The following NRG1 variants were observed in gnomAD, a reference collection of about 807,000 sequenced individuals.
The protein encoded by NRG1 is pro-neuregulin-1, membrane-bound isoform.
Under a neutral mutation model 63.8 loss-of-function variants are expected in NRG1, and 18 were observed. That is an observed-to-expected ratio of 0.28 (90% CI 0.19 to 0.42). The LOEUF is 0.42. NRG1 is among the 10% of genes least tolerant of loss of function. The pLI is 1.00. For synonymous variants in NRG1, 302 were observed against 301.3 expected, an observed-to-expected ratio of 1.00 and a Z score of -0.02; for missense variants, 762 against 814.7, an observed-to-expected ratio of 0.94 and a Z score of 0.79.
At chr8:31,694,625 A>C (rs1363072837) in intron 1 of NRG1, among the ~76,000 whole-genome samples, 1 of 152,170 alleles carries the variant, frequency 6.6e-6, no homozygotes. Context: ...ATAGAAGGCT[A>C]TGTAGGCTTT....
At chr8:31,842,741 G>T (rs542477800) in intron 1 of NRG1, among the ~76,000 whole-genome samples, 127 of 152,190 alleles carry the variant, frequency 8.3e-4, no homozygotes, top group Middle Eastern at 3.4e-3. Flanking sequence ...ACTCTTAATA[G>T]AAATTTACTT....
At chr8:32,434,800 GA>G (rs540695265) in intron 1 of NRG1, among the ~76,000 whole-genome samples, 399 of 148,842 alleles carry the variant, frequency 2.7e-3, no homozygotes, top group Non-Finnish European at 4.2e-3. Context: ...GAAAATATTT[GA>G]AAAAAAAAAT....
intron 1 of NRG1, among the ~76,000 whole-genome samples, chr8:31,867,088 C>A (rs1240170091): frequency 6.6e-6 from 1 of 152,142 alleles, no homozygotes; most frequent in African/African-American, 2.4e-5. Flanking sequence ...TAGCCTTTTA[C>A]CTCTTCTTTT....
At chr8:31,852,575 T>C (rs1827361869) in intron 1 of NRG1, among the ~76,000 whole-genome samples, 2 of 151,358 alleles carry the variant, frequency 1.3e-5, no homozygotes, top group South Asian at 2.1e-4. Context: ...TTCACTCTGA[T>C]GGTAGTTTCT....
chr8:31,751,791 G>A (rs1816496526), intron 1 of NRG1, among the ~76,000 whole-genome samples: 1 of 151,936 alleles, frequency 6.6e-6, no homozygotes, highest in Non-Finnish European at 1.5e-5. Context: ...ATATGAAGAT[G>A]TGAGGAGGTG....
rs571747842 is a variant in NRG1, at chr8:32,048,319, A to G, written c.37+408888A>G. Among the ~76,000 whole-genome samples the G allele has an allele frequency of 4.3e-3, 644 of 149,694 alleles. 3 individuals are homozygous for G. Among genetic ancestry groups the G allele is most frequent in the African/African-American group, 0.015 (610 of 40,628 alleles). ...TATATATTCATACATATATGTATGT[A>G]TATACATATGTACATGTATGTATGT... On this transcript the variant is annotated intron_variant, in intron 1 of 10. Coordinates refer to the NRG1 transcript ENST00000519301.
chr8:31,809,002 C>G (rs1822569909), intron 1 of NRG1, among the ~76,000 whole-genome samples: 1 of 151,918 alleles, frequency 6.6e-6, no homozygotes, highest in Non-Finnish European at 1.5e-5. Context: ...TATCTTTGCT[C>G]TTACATTTGG....
intron 3 of NRG1, among the ~76,000 whole-genome samples, chr8:32,609,067 C>G (rs1479000815): frequency 6.6e-6 from 1 of 152,124 alleles, no homozygotes; most frequent in African/African-American, 2.4e-5. Flanking sequence ...CATAGCTGCC[C>G]GGAAGCTCCT....
chr8:32,290,433 T>G (rs1397834459), intron 1 of NRG1, among the ~76,000 whole-genome samples: 4 of 152,112 alleles, frequency 2.6e-5, no homozygotes, highest in Non-Finnish European at 5.9e-5. Context: ...TGGTTACCCA[T>G]GAAGGAATCA....
intron 1 of NRG1, among the ~76,000 whole-genome samples, chr8:32,483,825 C>T (rs1049019385): frequency 1.3e-5 from 2 of 152,166 alleles, no homozygotes; most frequent in Non-Finnish European, 1.5e-5. Context: ...GCAGAAGTGG[C>T]CAGGTGCGGT....
intron 1 of NRG1, among the ~76,000 whole-genome samples, chr8:32,064,425 G>A (rs1289441409): frequency 1.3e-5 from 2 of 152,014 alleles, no homozygotes; most frequent in Non-Finnish European, 2.9e-5. Context: ...TGGTGATGCT[G>A]GCTGGCAGTG....
intron 1 of NRG1, among the ~76,000 whole-genome samples, chr8:32,113,942 T>G (rs544640996): frequency 6.6e-6 from 1 of 152,328 alleles, no homozygotes; most frequent in African/African-American, 2.4e-5. Context: ...AGACTTCTGG[T>G]ACATAATTAG....
intron 1 of NRG1, among the ~76,000 whole-genome samples, chr8:32,008,018 G>A (rs927789273): frequency 6.6e-6 from 1 of 151,896 alleles, no homozygotes; most frequent in Non-Finnish European, 1.5e-5. Context: ...AAAGGCTCAG[G>A]GAACACCACA....
intron 1 of NRG1, among the ~76,000 whole-genome samples, chr8:32,103,108 C>T (rs576072944): frequency 6.6e-6 from 1 of 152,258 alleles, no homozygotes; most frequent in East Asian, 1.9e-4. Context: ...TATAGTCACA[C>T]TGTCATGCTA....
chr8:32,349,464 C>A (rs1009191332), intron 1 of NRG1, among the ~76,000 whole-genome samples: 11 of 152,056 alleles, frequency 7.2e-5, no homozygotes, highest in Non-Finnish European at 1.5e-4. Flanking sequence ...GTCAAGGTAC[C>A]ATACACATGG....
At chr8:32,415,224 A>G (rs2129485744) in intron 1 of NRG1, among the ~76,000 whole-genome samples, 1 of 152,064 alleles carries the variant, frequency 6.6e-6, no homozygotes, top group East Asian at 1.9e-4. Context: ...CCTGGCCAAC[A>G]TGATGAAACC....
chr8:31,887,081 A>T (rs543731567), intron 1 of NRG1, among the ~76,000 whole-genome samples: 8 of 152,238 alleles, frequency 5.3e-5, no homozygotes, highest in Admixed American at 2.0e-4. Context: ...AAGAAAACTT[A>T]ATCAGTGAAC....
At chr8:31,959,294 A>C (rs908765216) in intron 1 of NRG1, among the ~76,000 whole-genome samples, 1 of 152,218 alleles carries the variant, frequency 6.6e-6, no homozygotes, top group Non-Finnish European at 1.5e-5. Context: ...AATGAATACA[A>C]TTAATCTGAT....
intron 1 of NRG1, among the ~76,000 whole-genome samples, chr8:31,744,194 G>T (rs1815614687): frequency 6.6e-6 from 1 of 151,930 alleles, no homozygotes; most frequent in South Asian, 2.1e-4. Flanking sequence ...TATAAAGAAT[G>T]TGCAGCCAGC....
Sources: gnomAD v4.1 joint callset for allele counts (sites outside exome capture counted in the v4.1 genomes callset) on GRCh38, gnomAD v4.1.1 for gene constraint, MANE v1.5 for transcripts, NCBI Gene and HGNC (gene_info 2026-07-23, HGNC 2026-07-21) for gene names.